The following PPP1R13B variants were observed in gnomAD, a reference collection of about 807,000 sequenced individuals.
PPP1R13B encodes protein phosphatase 1 regulatory subunit 13B.
In PPP1R13B, 44 loss-of-function variants were observed where a neutral mutation model predicts 119.8. The observed-to-expected ratio is 0.37, with a 90% CI of 0.29 to 0.47. PPP1R13B has a LOEUF of 0.47. Ranked by LOEUF, PPP1R13B falls within the 20% of genes least tolerant of loss-of-function variation. PPP1R13B has a pLI of 0.99. For synonymous variants in PPP1R13B, 542 were observed against 561.5 expected, an observed-to-expected ratio of 0.97 and a Z score of 0.49; for missense variants, 1,227 against 1,413.5, an observed-to-expected ratio of 0.87 and a Z score of 2.12.
intron 4 of PPP1R13B, among the ~76,000 whole-genome samples, chr14:103,770,768 A>G (rs1435728602): frequency 6.6e-6 from 1 of 152,222 alleles, no homozygotes; most frequent in African/African-American, 2.4e-5. Flanking sequence ...AAGGCAAGAT[A>G]AAACACAAAA....
chr14:103,754,098 G>A lies in PPP1R13B; in HGVS notation c.603C>T (p.Asp201=). ...GATTGCCGTTCATGATTTTGCTGTA[G>A]TCGACTTGTCCTCTCATTGCACGAA... The part of the protein sequence containing the change: ...KKIRAMRGQV[D]YSKIMNGNLS... Residue 201 remains aspartate (D), a synonymous_variant, in exon 6 of 17, where the codon GAC becomes GAT. Coordinates refer to ENST00000202556, the MANE Select transcript of PPP1R13B (RefSeq NM_015316.3). The A allele has an allele frequency of 6.2e-7, 1 of 1,614,058 alleles. No individual in the cohort carries two copies.
chr14:103,812,248 C>A (rs1420603751), intron 1 of PPP1R13B, among the ~76,000 whole-genome samples: 3 of 144,780 alleles, frequency 2.1e-5, no homozygotes, highest in East Asian at 2.1e-4. Context: ...CTCAGCCTCC[C>A]GAGTAGCTGG....
intron 4 of PPP1R13B, among the ~76,000 whole-genome samples, chr14:103,760,404 C>A (rs2084776360): frequency 1.3e-5 from 2 of 152,162 alleles, no homozygotes; most frequent in African/African-American, 4.8e-5. Context: ...AACCCTGTTC[C>A]CTCAGGCAAT....
chr14:103,751,358 T>TAACAGC (rs1366985306), intron 7 of PPP1R13B, among the ~76,000 whole-genome samples: 1 of 152,186 alleles, frequency 6.6e-6, no homozygotes, highest in East Asian at 1.9e-4. Context: ...TTAAAGAACT[T>TAACAGC]AACAGCAACC....
At chr14:103,843,036 A>G (rs1378624493) in intron 1 of PPP1R13B, among the ~76,000 whole-genome samples, 3 of 152,058 alleles carry the variant, frequency 2.0e-5, no homozygotes, top group African/African-American at 7.2e-5. Flanking sequence ...TCTATGCACG[A>G]AAAGTTTTAC....
At chr14:103,788,893 ATGGC>A (rs1299788016) in intron 2 of PPP1R13B, among the ~76,000 whole-genome samples, 2 of 152,132 alleles carry the variant, frequency 1.3e-5, no homozygotes, top group Non-Finnish European at 2.9e-5. Flanking sequence ...TCAGCCCTGA[ATGGC>A]TGTGTGCAGG....
intron 2 of PPP1R13B, among the ~76,000 whole-genome samples, chr14:103,793,908 C>G (rs572589017): frequency 2.0e-5 from 3 of 152,156 alleles, no homozygotes; most frequent in Non-Finnish European, 4.4e-5. Context: ...CGAAATTTAA[C>G]TGTATTTGGA....
chr14:103,798,309 G>A (rs1358178796), intron 1 of PPP1R13B, among the ~76,000 whole-genome samples: 2 of 151,620 alleles, frequency 1.3e-5, no homozygotes, highest in Non-Finnish European at 2.9e-5. Context: ...CCGCCACCAC[G>A]CCCGGCTAAT....
chr14:103,782,227 T>C (rs928640055), intron 3 of PPP1R13B, among the ~76,000 whole-genome samples: 17 of 152,224 alleles, frequency 1.1e-4, no homozygotes, highest in Admixed American at 3.3e-4. Context: ...TTTGCTCATC[T>C]TTCCACAAAA....
At chr14:103,784,691 G>C in intron 3 of PPP1R13B, 104 bp downstream of exon 3, 1 of 1,143,790 alleles carries the variant, frequency 8.7e-7, no homozygotes, top group Non-Finnish European at 1.2e-6. Flanking sequence ...CCACTTGTAA[G>C]TGCAGGGCCG....
chr14:103,838,237 C>G (rs1000859416), intron 1 of PPP1R13B, among the ~76,000 whole-genome samples: 3 of 150,240 alleles, frequency 2.0e-5, no homozygotes, highest in Admixed American at 6.7e-5. Context: ...CACACACACA[C>G]AGACACACAC....
upstream of PPP1R13B, chr14:103,847,813 C>T (rs867821704): frequency 3.7e-4 from 72 of 192,404 alleles, no homozygotes; most frequent in Middle Eastern, 5.4e-3. Flanking sequence ...TGGCCTCCCC[C>T]GCCCTTGCGT....
rs372935739 is a variant in PPP1R13B, at chr14:103,834,807, G to T, written c.9+12492C>A. On this transcript the variant is annotated intron_variant, in intron 1 of 16. Transcript: ENST00000202556. Reference sequence around the variant, plus strand: ...GAGGTTTCACCATGTTGGTCAGGCTGATCTTGAACTCCTGACCTCAGGTAA... The same window carrying T: ...GAGGTTTCACCATGTTGGTCAGGCTTATCTTGAACTCCTGACCTCAGGTAA... Among the ~76,000 whole-genome samples the T allele has an allele frequency of 1.0e-3, 154 of 152,046 alleles. 1 individual carries two copies. The highest frequency in any genetic ancestry group is 3.6e-3 in the African/African-American group (149 of 41,480).
intron 1 of PPP1R13B, among the ~76,000 whole-genome samples, chr14:103,830,295 C>A (rs529631038): frequency 6.6e-6 from 1 of 151,826 alleles, no homozygotes; most frequent in South Asian, 2.1e-4. Flanking sequence ...GAGGTTTCAC[C>A]AAGTTGGCCA....
At chr14:103,787,047 G>T (rs2085482140) in intron 2 of PPP1R13B, among the ~76,000 whole-genome samples, 2 of 151,010 alleles carry the variant, frequency 1.3e-5, no homozygotes, top group African/African-American at 2.5e-5. Flanking sequence ...TAGAGACAGG[G>T]TTCACCATGT....
In PPP1R13B at chr14:103,740,820, G is replaced by T. The variant is rs1244875870; in HGVS notation, c.1823-227C>A. 1.3e-5 allele frequency among the ~76,000 whole-genome samples: 2 copies of T among 152,138 alleles called. No homozygotes were observed. Among genetic ancestry groups the T allele is most frequent in the Non-Finnish European group, 2.9e-5 (2 of 68,030 alleles). On this transcript the variant is annotated intron_variant, in intron 11 of 16. Coordinates refer to ENST00000202556, the MANE Select transcript of PPP1R13B (RefSeq NM_015316.3). This position sits in a 1 kb window ranked among gnomAD's most constrained non-coding sequence, Gnocchi z 4.6. The stretch of plus-strand genomic sequence containing the variant: ...TCTAATGTGTCGGTTTTTACATTTG[G>T]GTTTCCAGAACTGGAGCTTTTTCAA...
intron 2 of PPP1R13B, among the ~76,000 whole-genome samples, chr14:103,786,804 T>G (rs1202044465): frequency 7.7e-6 from 1 of 129,168 alleles, no homozygotes; most frequent in Non-Finnish European, 1.6e-5. Context: ...GTCATGGTGG[T>G]GCACGCCTGT....
Position 103,735,095 on chromosome 14 carries a change from A to G in PPP1R13B, c.*59T>C. On this transcript the variant is annotated 3_prime_UTR_variant, in exon 17 of 17. Coordinates refer to ENST00000202556, the MANE Select transcript of PPP1R13B (RefSeq NM_015316.3). ...TGCAGCTTTCCTGGAAAACAGCACA[A>G]TAATCTCTTAAGTGGCTCCTGGTAG... 6.3e-7 allele frequency: 1 copy of G among 1,593,794 alleles called. No individual in the cohort carries two copies. The highest frequency in any genetic ancestry group is 1.1e-5 in the South Asian group (1 of 90,656).
At chr14:103,824,114 C>T (rs901780344) in intron 1 of PPP1R13B, among the ~76,000 whole-genome samples, 31 of 134,518 alleles carry the variant, frequency 2.3e-4, no homozygotes, top group African/African-American at 8.3e-4. Context: ...GGCGCGATCT[C>T]GGCTCATTGC....
Sources: gnomAD v4.1 joint callset for allele counts (sites outside exome capture counted in the v4.1 genomes callset) on GRCh38, gnomAD v4.1.1 for gene constraint, Gnocchi (gnomAD v3.1) non-coding constraint, MANE v1.5 for transcripts, NCBI Gene and HGNC (gene_info 2026-07-23, HGNC 2026-07-21) for gene names.